Variants in CDH18 observed in about 807,000 individuals in gnomAD.
The protein encoded by CDH18 is cadherin 18.
A neutral mutation model predicts 67.9 loss-of-function variants in CDH18; 31 were observed. That is an observed-to-expected ratio of 0.46 (90% CI 0.34 to 0.62). The LOEUF (loss-of-function observed/expected upper bound fraction) is 0.62, where lower values mean the gene tolerates loss of function less well. Among genes scored for constraint, CDH18 ranks in the 20% least tolerant of loss-of-function variants. The probability of loss-of-function intolerance (pLI) is 0.01; values close to 1 mark genes in which losing one functional copy is unlikely to be tolerated. For synonymous variants in CDH18, 362 were observed against 347.2 expected (o/e 1.04, Z -0.48); for missense variants, 890 against 975.5 (o/e 0.91, Z 1.17).
In CDH18 at chr5:19,517,150, T is replaced by C. The variant is rs550031969; in HGVS notation, c.1512+3507A>G. ...ACAATTTACCAAAAAGTTTAGCTCT[T>C]ATGCTAGGCCTGTAGCGATATCACA... On this transcript the variant is annotated intron_variant, in intron 10 of 12. Transcript: ENST00000382275. Among the ~76,000 whole-genome samples, 17 of 152,266 alleles carry C rather than the reference T, an allele frequency of 1.1e-4. No homozygotes were observed. In the South Asian group the frequency reaches 2.5e-3, roughly 22 times the overall value.
chr5:20,284,929 T>G (rs1746570316), intron 1 of CDH18, among the ~76,000 whole-genome samples: 1 of 151,858 alleles, frequency 6.6e-6, no homozygotes, highest in Non-Finnish European at 1.5e-5. Flanking sequence ...ATAATTCAAT[T>G]TAATGGGTTA....
intron 1 of CDH18, among the ~76,000 whole-genome samples, chr5:20,302,976 A>T (rs930724516): frequency 2.5e-4 from 38 of 151,862 alleles, no homozygotes; most frequent in African/African-American, 8.9e-4. Flanking sequence ...TTCCAAACAG[A>T]CATATGGAAT....
intron 2 of CDH18, among the ~76,000 whole-genome samples, chr5:19,906,104 A>T (rs1342412087): frequency 6.6e-6 from 1 of 151,982 alleles, no homozygotes; most frequent in Admixed American, 6.6e-5. Flanking sequence ...GTGATTAGCT[A>T]ATTATATGAA....
intron 3 of CDH18, among the ~76,000 whole-genome samples, chr5:19,811,162 G>GAAAGAAAGAA (rs776657119): frequency 2.9e-4 from 2 of 6,802 alleles, no homozygotes; most frequent in South Asian, 2.7e-3. Context: ...AAGAAAGAAG[G>GAAAGAAAGAA]AGAGAAAGAA....
intron 1 of CDH18, among the ~76,000 whole-genome samples, chr5:20,393,215 C>T (rs1745012398): frequency 6.6e-6 from 1 of 151,814 alleles, no homozygotes; most frequent in Non-Finnish European, 1.5e-5. Flanking sequence ...TGTTTGATGG[C>T]TATCATAATC....
intron 5 of CDH18, among the ~76,000 whole-genome samples, chr5:19,672,538 A>T (rs1471664983): frequency 6.6e-6 from 1 of 152,112 alleles, no homozygotes; most frequent in East Asian, 1.9e-4. Context: ...CTTTTTATCT[A>T]TGTAATTCCT....
chr5:19,828,530 G>A (rs1352851173), intron 3 of CDH18, among the ~76,000 whole-genome samples: 1 of 152,146 alleles, frequency 6.6e-6, no homozygotes, highest in East Asian at 1.9e-4. Flanking sequence ...ACATCAAAAA[G>A]CTACTCCACC....
At chr5:19,477,591 C>CA (rs909104228) in intron 12 of CDH18, among the ~76,000 whole-genome samples, 17 of 150,758 alleles carry the variant, frequency 1.1e-4, no homozygotes, top group Middle Eastern at 3.2e-3. Flanking sequence ...GAAATGTTTC[C>CA]AAAAAAAATC....
At chr5:19,481,554 G>A (rs1561156523) in intron 12 of CDH18, among the ~76,000 whole-genome samples, 1 of 152,034 alleles carries the variant, frequency 6.6e-6, no homozygotes. Flanking sequence ...GTCATCTTTT[G>A]CAAATTGAAG....
intron 4 of CDH18, among the ~76,000 whole-genome samples, chr5:19,731,281 C>G (rs552743708): frequency 6.6e-6 from 1 of 152,146 alleles, no homozygotes; most frequent in Admixed American, 6.5e-5. Flanking sequence ...AACCCTGTCT[C>G]TACTAAAAAT....
chr5:20,298,355 C>A (rs1263897520), intron 1 of CDH18, among the ~76,000 whole-genome samples: 1 of 151,836 alleles, frequency 6.6e-6, no homozygotes, highest in Non-Finnish European at 1.5e-5. Flanking sequence ...TGGAAGAAAC[C>A]CCAACTTAAT....
intron 1 of CDH18, among the ~76,000 whole-genome samples, chr5:20,470,791 T>C (rs927690154): frequency 2.4e-4 from 37 of 152,198 alleles, no homozygotes; most frequent in African/African-American, 8.4e-4. Context: ...ATTACAACTC[T>C]TACTTACCCC....
chr5:19,639,184 A>G (rs2150217017), intron 5 of CDH18, among the ~76,000 whole-genome samples: 1 of 151,590 alleles, frequency 6.6e-6, no homozygotes, highest in East Asian at 2.0e-4. Flanking sequence ...TTGTATTTTT[A>G]GTAGAGACGG....
intron 5 of CDH18, among the ~76,000 whole-genome samples, chr5:19,686,054 C>G (rs1761051706): frequency 6.6e-6 from 1 of 152,028 alleles, no homozygotes; most frequent in Non-Finnish European, 1.5e-5. Flanking sequence ...TGTGGGTAGT[C>G]AACTGACAGG....
intron 2 of CDH18, among the ~76,000 whole-genome samples, chr5:20,097,620 T>G (rs1178741416): frequency 6.6e-6 from 1 of 152,152 alleles, no homozygotes; most frequent in Non-Finnish European, 1.5e-5. Context: ...TGTATTATAT[T>G]CGGTTATTTA....
intron 1 of CDH18, among the ~76,000 whole-genome samples, chr5:20,404,995 T>A (rs1430517317): frequency 1.3e-5 from 2 of 152,178 alleles, no homozygotes; most frequent in Non-Finnish European, 2.9e-5. Flanking sequence ...TCCAAATAGA[T>A]GAACAGATTT....
chr5:20,533,863 C>A (rs1309797615), intron 1 of CDH18, among the ~76,000 whole-genome samples: 1 of 151,892 alleles, frequency 6.6e-6, no homozygotes, highest in African/African-American at 2.4e-5. Context: ...AGAACTGATA[C>A]AATAAACAAT....
At chr5:19,885,218 C>G (rs1198612472) in intron 2 of CDH18, among the ~76,000 whole-genome samples, 1 of 152,160 alleles carries the variant, frequency 6.6e-6, no homozygotes, top group African/African-American at 2.4e-5. Context: ...GGCCAAGTGA[C>G]TTAATCTCTA....
In CDH18 at chr5:20,473,225, C is replaced by A. The variant is rs541399713; in HGVS notation, c.-580+102237G>T. The stretch of plus-strand genomic sequence containing the variant: ...CTTAATGAAGATATTTGTTAAAAAA[C>A]AAAAACAAAAAATTAAAAAATGCCA... On this transcript the variant is annotated intron_variant, in intron 1 of 14. Transcript: ENST00000507958. Among the ~76,000 whole-genome samples the A allele has an allele frequency of 2.6e-5, 4 of 151,752 alleles. No homozygotes were observed. In the South Asian group the frequency reaches 8.3e-4, roughly 32 times the overall value.
Sources: gnomAD v4.1 joint callset for allele counts (sites outside exome capture counted in the v4.1 genomes callset) on GRCh38, gnomAD v4.1.1 for gene constraint, MANE v1.5 for transcripts, NCBI Gene and HGNC (gene_info 2026-07-23, HGNC 2026-07-21) for gene names.